TMEM107: variants seen among roughly 807,000 people sequenced by gnomAD.
TMEM107 encodes transmembrane protein 107.
TMEM107 carries 18 observed loss-of-function variants against 16.8 expected under a neutral mutation model. The ratio of observed to expected loss-of-function variants is 1.07; its 90% CI spans 0.74 to 1.59. The LOEUF (loss-of-function observed/expected upper bound fraction) is 1.59. Ranked by LOEUF, TMEM107 falls within the 40% of genes most tolerant of loss-of-function variation. TMEM107 has a pLI of 0.00. For missense variants in TMEM107, 152 were observed against 175.4 expected (o/e 0.87, Z 0.75); for synonymous variants, 68 against 71.6 (o/e 0.95, Z 0.25).
chr17:8,173,632 G>A lies in TMEM107; in HGVS notation c.*571C>T. 1.3e-6 allele frequency: 1 copy of A among 743,844 alleles called. No homozygotes were observed. Among genetic ancestry groups the A allele is most frequent in the Non-Finnish European group, 2.5e-6 (1 of 403,660 alleles). 46.1% of individuals were successfully genotyped at this position (743,844 alleles called of 1,614,324 possible). ...TTCTGCACTCAGTGAAAAAGATTCC[G>A]TTACAAGCTAGGGTGAGTTCATAAC... On this transcript the variant is annotated 3_prime_UTR_variant, in exon 5 of 5. Coordinates refer to ENST00000437139, the MANE Select transcript of TMEM107 (RefSeq NM_183065.4).
At chr17:8,174,769 AT>A in intron 3 of TMEM107, 153 bp from the exon 4 acceptor site, 2 of 676,248 alleles carry the variant, frequency 3.0e-6, no homozygotes, top group Non-Finnish European at 2.6e-6. Flanking sequence ...TGACTTCTGA[AT>A]TTTAGGACAG....
rs143415092 is a variant in TMEM107, at chr17:8,172,855, CAAAAAA to C, written c.*1342_*1347del. ...CCTGGGCAACAGAGTGAGACTGTCT[CAAAAAA>C]AAAAAAAAAAAAAACCAAAAGAGGG... On this transcript the variant is annotated 3_prime_UTR_variant, in exon 5 of 5. Coordinates refer to ENST00000437139, the MANE Select transcript of TMEM107 (RefSeq NM_183065.4). Among the ~76,000 whole-genome samples the C allele has an allele frequency of 2.2e-5, 1 of 44,810 alleles. No homozygotes were observed. Among genetic ancestry groups the C allele is most frequent in the African/African-American group, 6.7e-5 (1 of 14,930 alleles). 29.4% of individuals were successfully genotyped at this position (44,810 alleles called of 152,430 possible).
Position 8,175,790 on chromosome 17 carries a change from C to T in TMEM107, c.223G>A (p.Val75Ile), listed in dbSNP as rs1024416036. The change falls in exon 3 of 5, where the codon GTC becomes ATC. Residue 75 changes from valine (V) to isoleucine (I), a missense_variant. By Grantham distance (29) the Val-to-Ile change is conservative. Transcript: ENST00000437139. The part of the protein sequence containing the change: ...AVELAGFLSG[V>I]SMFNSTQSLI... The stretch of plus-strand genomic sequence containing the variant: ...CTCTGGGTGCTGTTGAACATGGAGA[C>T]TCCTGAGAGGAAACCGGCCAGCTCC... 9.9e-6 allele frequency: 16 copies of T among 1,614,028 alleles called. No homozygotes were observed. Among genetic ancestry groups the T allele is most frequent in the Non-Finnish European group, 1.4e-5 (16 of 1,180,024 alleles).
In TMEM107 at chr17:8,173,148, G is replaced by A. The variant is rs1383641456; in HGVS notation, c.*1055C>T. ...ATACCATCCTGAGGGCAACCACCAT[G>A]TGCACAAGACTGCAGATATTTACTG... On this transcript the variant is annotated 3_prime_UTR_variant, in exon 5 of 5. Coordinates refer to ENST00000437139, the MANE Select transcript of TMEM107 (RefSeq NM_183065.4). 6.8e-6 allele frequency: 2 copies of A among 293,074 alleles called. No individual in the cohort carries two copies. Among genetic ancestry groups the A allele is most frequent in the Non-Finnish European group, 1.3e-5 (2 of 152,320 alleles). The allele number at this position is 293,074 out of a possible 1,614,324, so 18.2% of individuals were successfully genotyped here. A position where few individuals can be genotyped will look rare whatever the true frequency, so the allele number is the denominator to read the frequency against.
rs999601106 is a variant in TMEM107, at chr17:8,173,348, C to T, written c.*855G>A. The T allele has an allele frequency of 6.5e-6, 4 of 611,382 alleles. No homozygotes were observed. The highest frequency in any genetic ancestry group is 4.1e-5 in the South Asian group (2 of 48,928). The allele number at this position is 611,382 out of a possible 1,614,324, so 37.9% of individuals were successfully genotyped here. ...AAATAGACAAACAGCAATAGCAAGACTGCAAAATAGACAAACAGCAAGGTT... is the reference window on the plus strand; with the variant it reads ...AAATAGACAAACAGCAATAGCAAGATTGCAAAATAGACAAACAGCAAGGTT... On this transcript the variant is annotated 3_prime_UTR_variant, in exon 5 of 5. Coordinates refer to ENST00000437139, the MANE Select transcript of TMEM107 (RefSeq NM_183065.4).
chr17:8,172,484 G>GAACAGTATAAT lies in TMEM107; in HGVS notation c.*1708_*1718dup, dbSNP rs1983613254. Among the ~76,000 whole-genome samples, 1 of 151,716 alleles carries GAACAGTATAAT rather than the reference G, an allele frequency of 6.6e-6. No individual in the cohort carries two copies. Among genetic ancestry groups the GAACAGTATAAT allele is most frequent in the Non-Finnish European group, 1.5e-5 (1 of 67,982 alleles). On this transcript the variant is annotated 3_prime_UTR_variant, in exon 5 of 5. Coordinates refer to ENST00000437139, the MANE Select transcript of TMEM107 (RefSeq NM_183065.4). ...GAATTAATGTAAGAAGGAACAACCA[G>GAACAGTATAAT]AACAGTATAATAGTAGGCAAACCAG...
In TMEM107 at chr17:8,173,571, A is replaced by C. The variant is rs1476705853; in HGVS notation, c.*632T>G. 2.6e-6 allele frequency: 2 copies of C among 764,986 alleles called. No homozygotes were observed. Among genetic ancestry groups the C allele is most frequent in the Non-Finnish European group, 2.4e-6 (1 of 417,778 alleles). 47.4% of individuals were successfully genotyped at this position (764,986 alleles called of 1,614,324 possible). On this transcript the variant is annotated 3_prime_UTR_variant, in exon 5 of 5. Transcript: ENST00000437139. ...CCCTCCGGAGGAGGAACAGGTAAGG[A>C]TTATCCCACCTGACGATACAGACAA...
Position 8,173,383 on chromosome 17 carries a change from A to C in TMEM107, c.*820T>G, listed in dbSNP as rs552251447. ...GACAAACAGCAAGGTTATCCCAGTC[A>C]GAACTTCATAGCTATGTTTGTGGAT... On this transcript the variant is annotated 3_prime_UTR_variant, in exon 5 of 5. Coordinates refer to ENST00000437139, the MANE Select transcript of TMEM107 (RefSeq NM_183065.4). The C allele has an allele frequency of 4.4e-6, 3 of 684,414 alleles. No homozygotes were observed. Among genetic ancestry groups the C allele is most frequent in the African/African-American group, 3.5e-5 (2 of 56,956 alleles). 42.4% of individuals were successfully genotyped at this position (684,414 alleles called of 1,614,324 possible). A position where few individuals can be genotyped will look rare whatever the true frequency, so the allele number is the denominator to read the frequency against.
intron 1 of TMEM107, 33 bp downstream of exon 1, chr17:8,176,167 T>A (rs752834615): frequency 4.4e-5 from 71 of 1,607,552 alleles, no homozygotes; most frequent in African/African-American, 8.0e-5. Flanking sequence ...GAGATGGGAA[T>A]GGGGACGGAT....
chr17:8,172,868 A>C lies in TMEM107; in HGVS notation c.*1335T>G, dbSNP rs1370793853. ...GTGAGACTGTCTCAAAAAAAAAAAA[A>C]AAAAAAACCAAAAGAGGGGGGTGGT... On this transcript the variant is annotated 3_prime_UTR_variant, in exon 5 of 5. Coordinates refer to ENST00000437139, the MANE Select transcript of TMEM107 (RefSeq NM_183065.4). 6.7e-6 allele frequency among the ~76,000 whole-genome samples: 1 copy of C among 148,166 alleles called. No individual in the cohort carries two copies. The highest frequency in any genetic ancestry group is 6.7e-5 in the Admixed American group (1 of 14,892).
rs879239887 is a variant in TMEM107 at position 8,173,298 on chromosome 17, A to G, written c.*905T>C. The G allele has an allele frequency of 1.5e-5, 8 of 531,604 alleles. No homozygotes were observed. In the South Asian group the frequency reaches 1.7e-4, roughly 11 times the overall value. 32.9% of individuals were successfully genotyped at this position (531,604 alleles called of 1,614,324 possible). A position where few individuals can be genotyped will look rare whatever the true frequency, so the allele number is the denominator to read the frequency against. ...CAAAAACCAAATCACAATTTTCAAG[A>G]ACAAACAAATTTAGCAAGACTGCAA... is the stretch of plus-strand genomic sequence containing the variant. On this transcript the variant is annotated 3_prime_UTR_variant, in exon 5 of 5. Transcript: ENST00000437139.
rs1381632746 is a variant in TMEM107 at position 8,173,625 on chromosome 17, A to T, written c.*578T>A. 1.3e-6 allele frequency: 1 copy of T among 748,112 alleles called. No individual in the cohort carries two copies. The allele number at this position is 748,112 out of a possible 1,614,324, so 46.3% of individuals were successfully genotyped here. ...GCCGACATTCTGCACTCAGTGAAAA[A>T]GATTCCGTTACAAGCTAGGGTGAGT... On this transcript the variant is annotated 3_prime_UTR_variant, in exon 5 of 5. Transcript: ENST00000437139.
At position 8,173,406 on chromosome 17, in the gene TMEM107, G is replaced by A. The variant is rs541750453; in HGVS notation, c.*797C>T. ...TCAGAACTTCATAGCTATGTTTGTG[G>A]ATATCTGCTAATCAGCATAACACAA... On this transcript the variant is annotated 3_prime_UTR_variant, in exon 5 of 5. Transcript: ENST00000437139. The A allele has an allele frequency of 1.5e-4, 110 of 729,240 alleles. No homozygotes were observed. Among genetic ancestry groups the A allele is most frequent in the East Asian group, 2.2e-4 (9 of 40,000 alleles). 45.2% of individuals were successfully genotyped at this position (729,240 alleles called of 1,614,324 possible). A position where few individuals can be genotyped will look rare whatever the true frequency, so the allele number is the denominator to read the frequency against.
chr17:8,173,294 C>T lies in TMEM107; in HGVS notation c.*909G>A, dbSNP rs929065678. On this transcript the variant is annotated 3_prime_UTR_variant, in exon 5 of 5. Transcript: ENST00000437139. ...GCAACAAAAACCAAATCACAATTTTCAAGAACAAACAAATTTAGCAAGACT... is the reference window on the plus strand; with the variant it reads ...GCAACAAAAACCAAATCACAATTTTTAAGAACAAACAAATTTAGCAAGACT... The T allele has an allele frequency of 3.8e-6, 2 of 530,106 alleles. No individual in the cohort carries two copies. The highest frequency in any genetic ancestry group is 1.9e-5 in the African/African-American group (1 of 52,138). 32.8% of individuals were successfully genotyped at this position (530,106 alleles called of 1,614,324 possible).
Position 8,176,242 on chromosome 17 carries a change from G to C in TMEM107, c.45C>G (p.Leu15=), listed in dbSNP as rs1415443773. The C allele has an allele frequency of 2.5e-6, 4 of 1,614,172 alleles. No individual in the cohort carries two copies. The East Asian group carries it at 6.7e-5, about 27-fold the overall frequency. The part of the protein sequence containing the change: ...SGLVPSRFLT[L]LAHLVVVITL... ...TGATGACGACCACCAGATGCGCCAG[G>C]AGCGTCAGGAAGCGAGAGGGCACAA... The change falls in exon 1 of 5, where the codon CTC becomes CTG. Residue 15 remains leucine (L), a synonymous_variant. Transcript: ENST00000437139.
chr17:8,173,293 T>C lies in TMEM107; in HGVS notation c.*910A>G, dbSNP rs1486769833. The C allele has an allele frequency of 3.0e-5, 16 of 537,450 alleles. No individual in the cohort carries two copies. The highest frequency in any genetic ancestry group is 4.7e-5 in the Non-Finnish European group (14 of 299,840). The allele number at this position is 537,450 out of a possible 1,614,324, so 33.3% of individuals were successfully genotyped here. On this transcript the variant is annotated 3_prime_UTR_variant, in exon 5 of 5. Transcript: ENST00000437139. ...AGCAACAAAAACCAAATCACAATTTTCAAGAACAAACAAATTTAGCAAGAC... is the reference window on the plus strand; with the variant it reads ...AGCAACAAAAACCAAATCACAATTTCCAAGAACAAACAAATTTAGCAAGAC...
Position 8,172,868 on chromosome 17 carries a change from A to AAAC in TMEM107, c.*1334_*1335insGTT, listed in dbSNP as rs1555525278. ...GTGAGACTGTCTCAAAAAAAAAAAAAAAAAAAACCAAAAGAGGGGGGTGGT... is the reference window on the plus strand; with the variant it reads ...GTGAGACTGTCTCAAAAAAAAAAAAAAACAAAAAAACCAAAAGAGGGGGGTGGT... On this transcript the variant is annotated 3_prime_UTR_variant, in exon 5 of 5. Transcript: ENST00000437139. Among the ~76,000 whole-genome samples, 6 of 148,274 alleles carry AAAC rather than the reference A, an allele frequency of 4.0e-5. No homozygotes were observed. Among genetic ancestry groups the AAAC allele is most frequent in the East Asian group, 3.9e-4 (2 of 5,150 alleles).
chr17:8,174,231 A>G lies in TMEM107; in HGVS notation c.395T>C (p.Val132Ala). The G allele has an allele frequency of 1.9e-6, 3 of 1,614,152 alleles. No homozygotes were observed. Among genetic ancestry groups the G allele is most frequent in the Middle Eastern group, 1.6e-4 (1 of 6,062 alleles). The change falls in exon 5 of 5, where the codon GTC (valine) becomes GCC (alanine). Residue 132 changes from valine to alanine, a missense_variant. Transcript: ENST00000437139. The part of the protein sequence containing the change: ...AVTEMALFVT[V>A]FGLKKKPF ...GAAGGGTTTCTTTTTCAGCCCAAAG[A>G]CGGTGACGAATAAAGCCATTTCAGT...
chr17:8,173,508 C>G lies in TMEM107; in HGVS notation c.*695G>C, dbSNP rs772667974. 7 of 765,202 alleles carry G rather than the reference C, an allele frequency of 9.1e-6. No individual in the cohort carries two copies. The highest frequency in any genetic ancestry group is 1.3e-5 in the South Asian group (1 of 74,604). 47.4% of individuals were successfully genotyped at this position (765,202 alleles called of 1,614,324 possible). On this transcript the variant is annotated 3_prime_UTR_variant, in exon 5 of 5. Transcript: ENST00000437139. The stretch of plus-strand genomic sequence containing the variant: ...GTCCTGATTACGCAGAGACGTTAAT[C>G]ACGTTTCATGCATCTCCAATCATCA...
Sources: allele counts gnomAD v4.1 joint callset (sites outside exome capture counted in the v4.1 genomes callset), GRCh38; gene constraint gnomAD v4.1.1; transcripts MANE v1.5; gene names NCBI Gene and HGNC (gene_info 2026-07-23, HGNC 2026-07-21).